The following BNIP1 variants were observed in gnomAD, a reference collection of about 807,000 sequenced individuals.
The protein encoded by BNIP1 is BCL2 interacting protein 1.
In BNIP1, 25 loss-of-function variants were observed where a neutral mutation model predicts 28.5. The observed-to-expected ratio is 0.88, with a 90% confidence interval of 0.64 to 1.23. BNIP1 has a LOEUF of 1.23. BNIP1 is among the 50% of genes most tolerant of loss of function. The pLI is 0.00. For synonymous variants in BNIP1, 118 were observed against 101.7 expected, an observed-to-expected ratio of 1.16 and a Z score of -0.96; for missense variants, 276 against 277.0, an observed-to-expected ratio of 1.00 and a Z score of 0.02.
chr5:173,152,329 C>T lies in BNIP1; in HGVS notation c.178-1993C>T, dbSNP rs548111870. On this transcript the variant is annotated intron_variant, in intron 2 of 5. Transcript: ENST00000351486. ...GTAGTGAATAATGTGAGATACAGCT[C>T]TGCTTATTCATAGAATTTACATTCT... Among the ~76,000 whole-genome samples the T allele has an allele frequency of 1.1e-4, 17 of 152,188 alleles. No homozygotes were observed. The South Asian group carries it at 3.5e-3, about 32-fold the overall frequency.
At position 173,154,328 on chromosome 5, in the gene BNIP1, G is replaced by T; in HGVS notation, c.184G>T (p.Glu62Ter). 1 of 1,613,334 alleles carries T rather than the reference G, an allele frequency of 6.2e-7. No individual in the cohort carries two copies. Among genetic ancestry groups the T allele is most frequent in the South Asian group, 1.1e-5 (1 of 90,910 alleles). Residue 62 changes from glutamate to a stop codon, truncating the protein, a stop_gained, in exon 3 of 6, where the codon GAG (glutamate) becomes TAG (stop). Transcript: ENST00000351486. LOFTEE classifies it high-confidence loss of function. ...GAATTATTTTTCCTCAAAGGACCTG[G>T]AGCAGTTGGCTAAAGAGCAAGACAA... ...QQLRHRIQDL[E>*]QLAKEQDKES...
intron 3 of BNIP1, among the ~76,000 whole-genome samples, chr5:173,156,555 G>T (rs1581077400): frequency 6.6e-6 from 1 of 152,092 alleles, no homozygotes; most frequent in East Asian, 1.9e-4. Flanking sequence ...AAGGCAGGAG[G>T]GCAGTGGGCT....
intron 2 of BNIP1, 85 bp downstream of exon 2, chr5:173,147,043 CAGCTGATGGGAG>C: frequency 9.7e-7 from 1 of 1,025,726 alleles, no homozygotes; most frequent in South Asian, 1.3e-5. Context: ...CTTCAAACAC[CAGCTGATGGGAG>C]CAGTAAACAC....
In BNIP1 at chr5:173,163,918, G is replaced by A. The variant is rs1163440191; in HGVS notation, c.684G>A (p.Leu228=). 1 of 1,601,178 alleles carries A rather than the reference G, an allele frequency of 6.2e-7. No individual in the cohort carries two copies. The highest frequency in any genetic ancestry group is 2.2e-5 in the East Asian group (1 of 44,584). ...TGAAAAAGCGGCTCTTTCCATTTTT[G>A]TGAGATCCCAAAGGTGCCAGTTCTG... ...YIVKKRLFPF[L] Residue 228 remains leucine (L), a synonymous_variant, in exon 6 of 6, where the codon TTG becomes TTA. Coordinates refer to ENST00000351486, the MANE Select transcript of BNIP1 (RefSeq NM_001205.3).
chr5:173,159,618 T>C (rs1443835079), intron 4 of BNIP1, among the ~76,000 whole-genome samples: 1 of 152,192 alleles, frequency 6.6e-6, no homozygotes, highest in Non-Finnish European at 1.5e-5. Flanking sequence ...TCTTAGAACA[T>C]AAGGCTTTAT....
At chr5:173,144,938 C>A in intron 1 of BNIP1, 1 of 293,418 alleles carries the variant, frequency 3.4e-6, no homozygotes, top group Non-Finnish European at 6.4e-6. Flanking sequence ...GTCGCCCCGC[C>A]CCTGACTACC....
intron 1 of BNIP1, among the ~76,000 whole-genome samples, chr5:173,146,357 C>T (rs920516050): frequency 1.3e-5 from 2 of 152,234 alleles, no homozygotes; most frequent in African/African-American, 4.8e-5. Context: ...GAATGTCCAG[C>T]AACAGATTCT....
intron 3 of BNIP1, among the ~76,000 whole-genome samples, chr5:173,158,307 T>A (rs1177732770): frequency 6.6e-6 from 1 of 152,160 alleles, no homozygotes; most frequent in African/African-American, 2.4e-5. Flanking sequence ...ATACTGGAGA[T>A]GAGTAAGTCA....
chr5:173,160,239 C>CTTT (rs10693152), intron 5 of BNIP1, among the ~76,000 whole-genome samples, 188 bp downstream of exon 5: 53,402 of 145,406 alleles, frequency 0.37, 10,591 homozygotes, highest in Non-Finnish European at 0.45. Context: ...TCCTATTTCT[C>CTTT]TTTTTTTTTT....
intron 3 of BNIP1, among the ~76,000 whole-genome samples, chr5:173,156,970 C>CA (rs1002082284): frequency 8.7e-4 from 130 of 150,024 alleles, no homozygotes; most frequent in African/African-American, 2.5e-3. Context: ...AAAAAAAAAA[C>CA]AAAAAAAACA....
At chr5:173,152,975 A>G (rs1760065365) in intron 2 of BNIP1, among the ~76,000 whole-genome samples, 1 of 152,144 alleles carries the variant, frequency 6.6e-6, no homozygotes, top group Non-Finnish European at 1.5e-5. Flanking sequence ...TGATTGGTAT[A>G]ATGCTATCTT....
At chr5:173,160,556 C>T (rs543665472) in intron 5 of BNIP1, among the ~76,000 whole-genome samples, 1 of 152,178 alleles carries the variant, frequency 6.6e-6, no homozygotes, top group East Asian at 1.9e-4. Context: ...TACTAGAAGA[C>T]CCCACACCCC....
chr5:173,158,306 A>G (rs942654811), intron 3 of BNIP1, among the ~76,000 whole-genome samples: 1 of 152,170 alleles, frequency 6.6e-6, no homozygotes, highest in African/African-American at 2.4e-5. Context: ...GATACTGGAG[A>G]TGAGTAAGTC....
At chr5:173,149,809 C>T (rs2113841388) in intron 2 of BNIP1, among the ~76,000 whole-genome samples, 1 of 152,236 alleles carries the variant, frequency 6.6e-6, no homozygotes, top group Middle Eastern at 3.4e-3. Context: ...AGTGAGAGCT[C>T]ACTTACCACT....
chr5:173,162,146 G>T (rs906098975), intron 5 of BNIP1, among the ~76,000 whole-genome samples: 12 of 152,108 alleles, frequency 7.9e-5, no homozygotes, highest in Non-Finnish European at 1.5e-4. Flanking sequence ...CAGCAGCCAC[G>T]TATGTAACTT....
At chr5:173,151,056 C>T (rs1056666496) in intron 2 of BNIP1, among the ~76,000 whole-genome samples, 3 of 151,904 alleles carry the variant, frequency 2.0e-5, no homozygotes, top group Non-Finnish European at 2.9e-5. Flanking sequence ...AGGCTGGTCT[C>T]GATCTCCTGA....
chr5:173,152,551 G>A (rs753530518), intron 2 of BNIP1, among the ~76,000 whole-genome samples: 6 of 152,092 alleles, frequency 3.9e-5, no homozygotes, highest in Non-Finnish European at 5.9e-5. Flanking sequence ...GGGTTTCACC[G>A]TGTTAGCCAG....
chr5:173,160,686 G>A, intron 5 of BNIP1: 3 of 398,086 alleles, frequency 7.5e-6, no homozygotes, highest in South Asian at 3.7e-5. Flanking sequence ...CTGATTTTCA[G>A]TGAGGGCTCT....
chr5:173,147,173 G>A (rs29797), intron 2 of BNIP1, among the ~76,000 whole-genome samples: 1 of 151,896 alleles, frequency 6.6e-6, no homozygotes, highest in African/African-American at 2.4e-5. Flanking sequence ...TTGGGAGGCC[G>A]AGGCGGGGAG....
Sources: gnomAD v4.1 joint callset for allele counts (sites outside exome capture counted in the v4.1 genomes callset) on GRCh38, gnomAD v4.1.1 for gene constraint, MANE v1.5 for transcripts, NCBI Gene and HGNC (gene_info 2026-07-23, HGNC 2026-07-21) for gene names.